INVS: variants seen among roughly 807,000 people sequenced by gnomAD.
INVS encodes inversion of embryo turning homolog.
A neutral mutation model predicts 108.8 loss-of-function variants in INVS; 86 were observed. The ratio of observed to expected loss-of-function variants is 0.79; its 90% CI spans 0.66 to 0.95. The LOEUF (loss-of-function observed/expected upper bound fraction) is 0.95, where lower values mean the gene tolerates loss of function less well. Ranked by LOEUF, INVS falls within the 40% of genes least tolerant of loss-of-function variation. The probability of loss-of-function intolerance (pLI) is 0.00; values close to 1 mark genes in which losing one functional copy is unlikely to be tolerated. For missense variants in INVS, 1,169 were observed against 1,297.4 expected, an observed-to-expected ratio of 0.90 and a Z score of 1.52; for synonymous variants, 455 against 473.5, an observed-to-expected ratio of 0.96 and a Z score of 0.51.
intron 3 of INVS, among the ~76,000 whole-genome samples, chr9:100,129,104 G>A (rs1827971919): frequency 6.6e-6 from 1 of 152,012 alleles, no homozygotes; most frequent in African/African-American, 2.4e-5. Flanking sequence ...AGGATTGCTT[G>A]AGCCCTGGAG....
chr9:100,297,034 A>C lies in INVS; in HGVS notation c.2904A>C (p.Glu968Asp). Residue 968 changes from glutamate to aspartate, a missense_variant, in exon 15 of 17, where the codon GAA becomes GAC. This residue lies in a region of INVS where 533 missense variants were observed against 536.0 expected (regional missense o/e 0.99). Transcript: ENST00000262457. Reference sequence around the variant, plus strand: ...TGCTCCTCCAGGTTTGGAGGAAGGAACTGGAACTAAAATTCCCCCAAACCA... The same window carrying C: ...TGCTCCTCCAGGTTTGGAGGAAGGACCTGGAACTAAAATTCCCCCAAACCA... The part of the protein sequence containing the change: ...TALLLQVWRK[E>D]LELKFPQTTA... The C allele has an allele frequency of 6.2e-7, 1 of 1,613,964 alleles. No individual in the cohort carries two copies. Among genetic ancestry groups the C allele is most frequent in the Non-Finnish European group, 8.5e-7 (1 of 1,179,958 alleles).
chr9:100,183,123 G>A (rs937055207), intron 3 of INVS, among the ~76,000 whole-genome samples: 6 of 152,074 alleles, frequency 3.9e-5, no homozygotes, highest in South Asian at 2.1e-4. Context: ...GGGGCCTGCC[G>A]GGGGATGAGG....
At chr9:100,157,952 T>C (rs1378578931) in intron 3 of INVS, among the ~76,000 whole-genome samples, 2 of 152,238 alleles carry the variant, frequency 1.3e-5, no homozygotes, top group African/African-American at 2.4e-5. Flanking sequence ...GAAGCTTACT[T>C]GTTCTCACCA....
intron 3 of INVS, among the ~76,000 whole-genome samples, chr9:100,191,576 C>G (rs1337304990): frequency 6.6e-6 from 1 of 152,144 alleles, no homozygotes; most frequent in African/African-American, 2.4e-5. Flanking sequence ...ATTTATCACT[C>G]ATATCCTGAA....
intron 3 of INVS, among the ~76,000 whole-genome samples, chr9:100,172,027 A>T (rs1405876202): frequency 6.6e-6 from 1 of 152,134 alleles, no homozygotes; most frequent in Non-Finnish European, 1.5e-5. Context: ...GGACTCTGTA[A>T]AACCTTTGAT....
chr9:100,115,426 G>C (rs1371024818), intron 2 of INVS, among the ~76,000 whole-genome samples: 1 of 151,936 alleles, frequency 6.6e-6, no homozygotes. Context: ...TTTACATTAG[G>C]TATATCTCCT....
chr9:100,103,676 AGAGGC>A (rs1264480185), intron 1 of INVS, among the ~76,000 whole-genome samples: 1 of 92,130 alleles, frequency 1.1e-5, no homozygotes, highest in Non-Finnish European at 2.1e-5. Flanking sequence ...GGAGGAAAGG[AGAGGC>A]GAGGGGAGGG....
At chr9:100,161,379 A>AC (rs1199529214) in intron 3 of INVS, among the ~76,000 whole-genome samples, 21,586 of 144,548 alleles carry the variant, frequency 0.15, 3,524 homozygotes, top group African/African-American at 0.36. Flanking sequence ...AAAAAAAAAA[A>AC]AAAAAAAAAA....
At chr9:100,272,291 A>C (rs1832981973) in intron 11 of INVS, among the ~76,000 whole-genome samples, 1 of 152,180 alleles carries the variant, frequency 6.6e-6, no homozygotes, top group Non-Finnish European at 1.5e-5. Flanking sequence ...TCTTTGCTCT[A>C]TCCAGAATTT....
chr9:100,238,617 C>G (rs1831766412), intron 5 of INVS, among the ~76,000 whole-genome samples: 1 of 152,090 alleles, frequency 6.6e-6, no homozygotes, highest in African/African-American at 2.4e-5. Flanking sequence ...CTTTTAACTT[C>G]TCTTTTATAT....
At position 100,284,479 on chromosome 9, in the gene INVS, CG is replaced by C; in HGVS notation, c.1945del (p.Val649TrpfsTer18). 6.2e-7 allele frequency: 1 copy of C among 1,614,132 alleles called. No homozygotes were observed. Among genetic ancestry groups the C allele is most frequent in the Non-Finnish European group, 8.5e-7 (1 of 1,180,012 alleles). ...APSKQPPAGNVAQGPEPRDSR... is the reference protein window; with the variant it reads ...APSKQPPAGNXAQGPEPRDSR... ...CCAGCAAGCAGCCTCCTGCTGGCAA[CG>C]TGGCCCAAGGCCCTGAGCCAAGAGA... On this transcript the variant is annotated frameshift_variant, in exon 13 of 17. Coordinates refer to ENST00000262457, the MANE Select transcript of INVS (RefSeq NM_014425.5). LOFTEE classifies it high-confidence loss of function.
chr9:100,241,888 C>G (rs760751231), intron 6 of INVS, among the ~76,000 whole-genome samples: 9 of 152,112 alleles, frequency 5.9e-5, no homozygotes, highest in African/African-American at 2.2e-4. Context: ...TTCAGGTTTC[C>G]TACGTATGCT....
intron 3 of INVS, among the ~76,000 whole-genome samples, chr9:100,154,554 A>G (rs1044659254): frequency 6.6e-6 from 1 of 151,952 alleles, no homozygotes; most frequent in African/African-American, 2.4e-5. Context: ...TGTAAGAAGT[A>G]ATGAGAAATG....
At chr9:100,190,108 A>T (rs1248970304) in intron 3 of INVS, among the ~76,000 whole-genome samples, 10 of 151,944 alleles carry the variant, frequency 6.6e-5, no homozygotes, top group Admixed American at 6.6e-4. Context: ...TGTTGGATTG[A>T]TCCTTTTATC....
intron 2 of INVS, 149 bp from the exon 3 acceptor site, chr9:100,126,234 T>C (rs1473280677): frequency 3.0e-6 from 2 of 667,634 alleles, no homozygotes; most frequent in Non-Finnish European, 5.1e-6. Flanking sequence ...AATATGACAA[T>C]GGTAATATCT....
At chr9:100,100,575 TATATAATATATATAATATATGTAC>T (rs1229493236) in intron 1 of INVS, among the ~76,000 whole-genome samples, 1,164 of 102,060 alleles carry the variant, frequency 0.011, 275 homozygotes, top group African/African-American at 0.027. Flanking sequence ...AAAGTATATA[TATATAATATATATAATATATGTAC>T]ATATAATATA....
rs762181430 is a variant in INVS, at chr9:100,272,817, A to C, written c.1572-47A>C. The stretch of plus-strand genomic sequence containing the variant: ...TATTTTCAGTTTAACTGTGCCTTAA[A>C]TTACATTCTAAAATTAAAAAAAAAA... On this transcript the variant is annotated intron_variant, in intron 11 of 16. Transcript: ENST00000262457. 3 of 1,520,302 alleles carry C rather than the reference A, an allele frequency of 2.0e-6. No homozygotes were observed. The South Asian group carries it at 3.4e-5, about 17-fold the overall frequency. 94.2% of individuals were successfully genotyped at this position (1,520,302 alleles called of 1,614,324 possible).
intron 3 of INVS, among the ~76,000 whole-genome samples, chr9:100,144,927 A>G (rs140657122): frequency 4.6e-4 from 70 of 152,250 alleles, no homozygotes; most frequent in African/African-American, 1.5e-3. Flanking sequence ...GTGTAGAAGA[A>G]TGCCTGGACG....
At chr9:100,130,722 AC>A (rs1828031246) in intron 3 of INVS, 2 of 152,146 alleles carry the variant, frequency 1.3e-5, no homozygotes, top group South Asian at 4.1e-4. Context: ...GTAATCATGA[AC>A]ACTCATGTAT....
Sources: allele counts gnomAD v4.1 joint callset (sites outside exome capture counted in the v4.1 genomes callset), GRCh38; gene constraint gnomAD v4.1.1; regional missense constraint gnomAD v4.1.1; transcripts MANE v1.5; gene names NCBI Gene and HGNC (gene_info 2026-07-23, HGNC 2026-07-21).